The following TEX11 variants were observed in gnomAD, a reference collection of about 807,000 sequenced individuals.
TEX11 encodes the protein testis-expressed protein 11.
Under a neutral mutation model 84.4 loss-of-function variants are expected in TEX11, and 7 were observed. That is an observed-to-expected ratio of 0.08 (90% CI 0.05 to 0.16). The LOEUF (loss-of-function observed/expected upper bound fraction) is 0.16. Ranked by LOEUF, TEX11 falls within the 10% of genes least tolerant of loss-of-function variation. The pLI is 1.00. For synonymous variants in TEX11, 264 were observed against 222.8 expected (o/e 1.18, Z -1.64); for missense variants, 551 against 660.5 (o/e 0.83, Z 1.82).
chrX:70,856,746 G>A (rs906201109), intron 5 of TEX11, among the ~76,000 whole-genome samples: 11 of 110,977 alleles, frequency 9.9e-5, no homozygotes, highest in African/African-American at 2.6e-4. Context: ...TAAAGGAAAC[G>A]ATGGACTATT....
chrX:70,797,055 G>A (rs756153156), intron 9 of TEX11, among the ~76,000 whole-genome samples: 5 of 112,306 alleles, frequency 4.5e-5, no homozygotes, highest in Non-Finnish European at 9.4e-5. Context: ...GCAGTTTGGA[G>A]ATTTCTCAAA....
intron 24 of TEX11, among the ~76,000 whole-genome samples, chrX:70,599,910 A>G (rs185070159): frequency 4.6e-5 from 5 of 108,058 alleles, no homozygotes; most frequent in Non-Finnish European, 7.7e-5. Flanking sequence ...TTCTTAATCC[A>G]GTCTATCATT....
chrX:70,552,861 T>G (rs1751917218), intron 27 of TEX11, among the ~76,000 whole-genome samples: 1 of 111,288 alleles, frequency 9.0e-6, no homozygotes, highest in Non-Finnish European at 1.9e-5. Context: ...GAAGCTGAGG[T>G]GGAGAATCAT....
At chrX:70,715,383 T>C (rs1343240859) in intron 13 of TEX11, among the ~76,000 whole-genome samples, 1 of 111,707 alleles carries the variant, frequency 9.0e-6, no homozygotes, top group Non-Finnish European at 1.9e-5. Context: ...TATCCTGCAG[T>C]GTTTTCCAAC....
At chrX:70,760,690 T>C (rs1048916281) in intron 9 of TEX11, among the ~76,000 whole-genome samples, 2 of 111,602 alleles carry the variant, frequency 1.8e-5, no homozygotes, top group African/African-American at 3.3e-5. Flanking sequence ...ATTCAGGACA[T>C]AGGCATGCGC....
chrX:70,663,643 G>A (rs2089950834), intron 16 of TEX11, among the ~76,000 whole-genome samples: 1 of 111,106 alleles, frequency 9.0e-6, no homozygotes, highest in African/African-American at 3.3e-5. Context: ...ACTAATGATG[G>A]GGTTACATCC....
chrX:70,588,529 T>G (rs1310588965), intron 25 of TEX11, among the ~76,000 whole-genome samples: 1 of 111,527 alleles, frequency 9.0e-6, no homozygotes, highest in Non-Finnish European at 1.9e-5. Context: ...CTAAGTTTCC[T>G]AAGGCCTCCC....
At chrX:70,745,168 T>C (rs955258674) in intron 9 of TEX11, among the ~76,000 whole-genome samples, 3 of 110,408 alleles carry the variant, frequency 2.7e-5, no homozygotes, top group African/African-American at 9.9e-5. Context: ...TGATATTTCC[T>C]AGATTGGTAT....
intron 16 of TEX11, among the ~76,000 whole-genome samples, chrX:70,658,381 C>T (rs1219151779): frequency 1.8e-5 from 2 of 111,505 alleles, no homozygotes; most frequent in Non-Finnish European, 3.8e-5. Flanking sequence ...AGCACAACTG[C>T]TCTCCAGCCT....
chrX:70,776,621 G>T (rs112532956), intron 9 of TEX11, among the ~76,000 whole-genome samples: 13,816 of 109,691 alleles, frequency 0.13, 774 homozygotes, highest in Middle Eastern at 0.26. Flanking sequence ...AACATGGATG[G>T]AACTGGAGGT....
chrX:70,539,145 C>G (rs193205177), intron 28 of TEX11, among the ~76,000 whole-genome samples: 1 of 102,892 alleles, frequency 9.7e-6, no homozygotes, highest in African/African-American at 3.5e-5. Flanking sequence ...AGCAATTCTT[C>G]GGCCTCAGCC....
intron 2 of TEX11, among the ~76,000 whole-genome samples, chrX:70,882,825 T>C (rs767649926): frequency 9.0e-6 from 1 of 111,539 alleles, no homozygotes; most frequent in Non-Finnish European, 1.9e-5. Flanking sequence ...ATACCAATAA[T>C]AGTTTCTGGT....
chrX:70,704,958 G>C (rs924829014), intron 13 of TEX11, among the ~76,000 whole-genome samples: 34 of 111,561 alleles, frequency 3.0e-4, no homozygotes, highest in African/African-American at 1.0e-3. Context: ...AATACATCTT[G>C]AATTAATTTT....
intron 15 of TEX11, among the ~76,000 whole-genome samples, chrX:70,671,877 T>TTTGA (rs1404740267): frequency 2.1e-5 from 1 of 48,287 alleles, no homozygotes; most frequent in Non-Finnish European, 3.7e-5. Context: ...GTACAATTGT[T>TTTGA]TTGATATATA....
chrX:70,689,034 C>G (rs756202167), intron 13 of TEX11, among the ~76,000 whole-genome samples: 40 of 109,774 alleles, frequency 3.6e-4, no homozygotes, highest in African/African-American at 1.2e-3. Flanking sequence ...CATGAGGGTA[C>G]AGGTGAACAA....
intron 28 of TEX11, among the ~76,000 whole-genome samples, chrX:70,550,090 C>T (rs192346455): frequency 8.9e-6 from 1 of 112,664 alleles, no homozygotes; most frequent in Admixed American, 9.4e-5. Flanking sequence ...TAAATCCATA[C>T]ATCTACAGTG....
intron 7 of TEX11, among the ~76,000 whole-genome samples, chrX:70,842,249 C>A (rs1314993348): frequency 9.0e-6 from 1 of 111,411 alleles, no homozygotes; most frequent in African/African-American, 3.3e-5. Context: ...ACTCACAAAC[C>A]GAATTCAGCA....
intron 11 of TEX11, among the ~76,000 whole-genome samples, chrX:70,728,313 G>A (rs1246918196): frequency 8.9e-6 from 1 of 112,561 alleles, no homozygotes; most frequent in Non-Finnish European, 1.9e-5. Context: ...TTGGATAGTG[G>A]GTGCAGGACA....
At chrX:70,638,098 T>C (rs1469029913) in intron 17 of TEX11, among the ~76,000 whole-genome samples, 1 of 110,999 alleles carries the variant, frequency 9.0e-6, no homozygotes, top group Non-Finnish European at 1.9e-5. Context: ...ACAGAAAACT[T>C]TCCGAACCTG....
Sources: gnomAD v4.1 joint callset for allele counts (sites outside exome capture counted in the v4.1 genomes callset) on GRCh38, gnomAD v4.1.1 for gene constraint, MANE v1.5 for transcripts, NCBI Gene and HGNC (gene_info 2026-07-23, HGNC 2026-07-21) for gene names.